CTNNA2: variants seen among roughly 807,000 people sequenced by gnomAD.
CTNNA2 encodes the protein catenin alpha-2.
CTNNA2 carries 42 observed loss-of-function variants against 101.0 expected under a neutral mutation model. The observed-to-expected ratio is 0.42, with a 90% CI of 0.32 to 0.54. The LOEUF is 0.54. Among genes scored for constraint, CTNNA2 ranks in the 20% least tolerant of loss-of-function variants. The probability of loss-of-function intolerance (pLI) is 0.14; values close to 1 mark genes in which losing one functional copy is unlikely to be tolerated. For synonymous variants in CTNNA2, 450 were observed against 456.4 expected, an observed-to-expected ratio of 0.99 and a Z score of 0.18; for missense variants, 871 against 1,223.1, an observed-to-expected ratio of 0.71 and a Z score of 4.29.
At chr2:79,262,940 A>T (rs1443685953) in intron 2 of CTNNA2, among the ~76,000 whole-genome samples, 2 of 152,188 alleles carry the variant, frequency 1.3e-5, no homozygotes, top group Admixed American at 6.5e-5. Flanking sequence ...AATAGTAAAC[A>T]CTTCAGGAGT....
At chr2:79,223,153 C>T (rs1329898205) in intron 2 of CTNNA2, among the ~76,000 whole-genome samples, 1 of 151,954 alleles carries the variant, frequency 6.6e-6, no homozygotes, top group Non-Finnish European at 1.5e-5. Context: ...GAGTGAGATC[C>T]CATCTCTAAA....
intron 1 of CTNNA2, chr2:79,634,746 A>G (rs1679907749): frequency 6.6e-6 from 1 of 152,324 alleles, no homozygotes; most frequent in African/African-American, 2.4e-5. Flanking sequence ...TATGGAAGGA[A>G]TGACACAAGA....
At chr2:80,427,837 A>T (rs1018196001) in intron 9 of CTNNA2, among the ~76,000 whole-genome samples, 8 of 152,256 alleles carry the variant, frequency 5.3e-5, no homozygotes, top group African/African-American at 1.7e-4. Context: ...CCATGTGCTG[A>T]TGCTGGTCTA....
intron 7 of CTNNA2, among the ~76,000 whole-genome samples, chr2:80,248,196 C>G (rs1671482693): frequency 6.6e-6 from 1 of 151,986 alleles, no homozygotes; most frequent in African/African-American, 2.4e-5. Flanking sequence ...TCTTTTATGC[C>G]TGGCCTACTG....
At chr2:79,878,230 G>T (rs1228303877) in intron 6 of CTNNA2, among the ~76,000 whole-genome samples, 1 of 152,116 alleles carries the variant, frequency 6.6e-6, no homozygotes, top group Non-Finnish European at 1.5e-5. Context: ...TGGGCATTTG[G>T]GTTGGTTCCA....
chr2:79,249,596 C>T (rs549710362), intron 2 of CTNNA2, among the ~76,000 whole-genome samples: 1 of 152,320 alleles, frequency 6.6e-6, no homozygotes, highest in South Asian at 2.1e-4. Context: ...CACCAATGCT[C>T]CTAACTGTGC....
At chr2:80,204,573 T>C (rs1035964728) in intron 7 of CTNNA2, among the ~76,000 whole-genome samples, 4 of 152,162 alleles carry the variant, frequency 2.6e-5, no homozygotes, top group Non-Finnish European at 4.4e-5. Flanking sequence ...TGGACCTTAT[T>C]TTTTATATGC....
At chr2:79,224,182 T>A (rs1042154441) in intron 2 of CTNNA2, among the ~76,000 whole-genome samples, 11 of 152,228 alleles carry the variant, frequency 7.2e-5, no homozygotes, top group African/African-American at 2.7e-4. Flanking sequence ...TATCTGCTGG[T>A]GCATAAAGGG....
chr2:79,605,693 C>T (rs762039251), intron 1 of CTNNA2, among the ~76,000 whole-genome samples: 6 of 151,938 alleles, frequency 3.9e-5, no homozygotes, highest in Non-Finnish European at 8.8e-5. Flanking sequence ...GGCTTGAGGC[C>T]AGGAGTTTGT....
intron 9 of CTNNA2, among the ~76,000 whole-genome samples, chr2:80,422,416 T>C (rs1680610857): frequency 7.0e-6 from 1 of 143,446 alleles, no homozygotes; most frequent in Admixed American, 7.4e-5. Context: ...AGTGTATTTC[T>C]TCTTTCCCAA....
chr2:79,649,457 C>A (rs1422034425), intron 1 of CTNNA2: 1 of 154,750 alleles, frequency 6.5e-6, no homozygotes, highest in Non-Finnish European at 1.5e-5. Flanking sequence ...AAACTTGCAA[C>A]AGCTGTATCA....
intron 2 of CTNNA2, among the ~76,000 whole-genome samples, chr2:79,696,549 T>A (rs912150793): frequency 6.6e-6 from 1 of 152,064 alleles, no homozygotes; most frequent in African/African-American, 2.4e-5. Flanking sequence ...TTCAGTTGTT[T>A]AGGCATGTGT....
chr2:79,564,202 A>G (rs1171422563), intron 1 of CTNNA2, among the ~76,000 whole-genome samples: 1 of 151,924 alleles, frequency 6.6e-6, no homozygotes, highest in Non-Finnish European at 1.5e-5. Flanking sequence ...ATTTCATTGT[A>G]TTGTTTTTGT....
chr2:79,661,190 A>G (rs1407501954), intron 2 of CTNNA2, among the ~76,000 whole-genome samples: 2 of 152,192 alleles, frequency 1.3e-5, no homozygotes, highest in East Asian at 1.9e-4. Flanking sequence ...TCTGTTTAGC[A>G]TAAATATTTT....
intron 2 of CTNNA2, among the ~76,000 whole-genome samples, chr2:79,224,284 C>T (rs541178524): frequency 3.9e-5 from 6 of 151,930 alleles, no homozygotes; most frequent in African/African-American, 7.3e-5. Flanking sequence ...TTAATTTTAC[C>T]AAACCAATGA....
At position 80,501,252 on chromosome 2, in the gene CTNNA2, T is replaced by G. The variant is rs1020392161; in HGVS notation, c.1291-43730T>G. Reference sequence around the variant, plus strand: ...CCATTATGTGAAGCAGTCAGAATGCTTTCACCATCTCAGAAAGAGAATAAC... The same window carrying G: ...CCATTATGTGAAGCAGTCAGAATGCGTTCACCATCTCAGAAAGAGAATAAC... On this transcript the variant is annotated intron_variant, in intron 9 of 18. Coordinates refer to ENST00000402739, the MANE Select transcript of CTNNA2 (RefSeq NM_001282597.3). 3.3e-5 allele frequency among the ~76,000 whole-genome samples: 5 copies of G among 152,358 alleles called. No homozygotes were observed. The East Asian group carries it at 9.6e-4, about 29-fold the overall frequency.
chr2:80,196,901 C>G (rs1420250712), intron 7 of CTNNA2, among the ~76,000 whole-genome samples: 1 of 152,200 alleles, frequency 6.6e-6, no homozygotes, highest in Non-Finnish European at 1.5e-5. Context: ...GAAGTCCCTG[C>G]TTAATCTTGC....
intron 3 of CTNNA2, among the ~76,000 whole-genome samples, chr2:79,752,470 A>T (rs1011424153): frequency 2.0e-5 from 3 of 152,258 alleles, no homozygotes; most frequent in Non-Finnish European, 4.4e-5. Flanking sequence ...TCAGGAAGCC[A>T]CAAGGGCAAT....
At position 80,264,336 on chromosome 2, in the gene CTNNA2, G is replaced by A. The variant is rs565282326; in HGVS notation, c.1057-128875G>A. Among the ~76,000 whole-genome samples, 5 of 152,112 alleles carry A rather than the reference G, an allele frequency of 3.3e-5. No homozygotes were observed. The East Asian group carries it at 7.7e-4, about 24-fold the overall frequency. ...TTCCAGCTTACTTATTTCCATAAAC[G>A]AGCCCAAAAATTTAATCTGGACTTG... On this transcript the variant is annotated intron_variant, in intron 7 of 18. Transcript: ENST00000402739.
Sources: allele counts gnomAD v4.1 joint callset (sites outside exome capture counted in the v4.1 genomes callset), GRCh38; gene constraint gnomAD v4.1.1; transcripts MANE v1.5; gene names NCBI Gene and HGNC (gene_info 2026-07-23, HGNC 2026-07-21).